The following CIP2A variants were observed in gnomAD, a reference collection of about 807,000 sequenced individuals.
CIP2A encodes cellular inhibitor of PP2A.
A neutral mutation model predicts 110.9 loss-of-function variants in CIP2A; 103 were observed. The ratio of observed to expected loss-of-function variants is 0.93; its 90% confidence interval spans 0.79 to 1.09. CIP2A has a LOEUF of 1.09. Ranked by LOEUF, CIP2A falls within the 50% of genes least tolerant of loss-of-function variation. The pLI is 0.00. For synonymous variants in CIP2A, 381 were observed against 361.6 expected (o/e 1.05, Z -0.61); for missense variants, 1,088 against 1,038.4 (o/e 1.05, Z -0.66).
chr3:108,585,302 T>C, intron 1 of CIP2A, 90 bp from the exon 2 acceptor site: 1 of 1,188,284 alleles, frequency 8.4e-7, no homozygotes, highest in Non-Finnish European at 1.2e-6. Flanking sequence ...TCCCTCAAAG[T>C]GCCACTGCTA....
At chr3:108,582,049 G>T in intron 4 of CIP2A, 59 bp downstream of exon 4, 1 of 784,104 alleles carries the variant, frequency 1.3e-6, no homozygotes, top group Non-Finnish European at 2.1e-6. Context: ...CTACCACATG[G>T]TTGTAATTTA....
At position 108,581,373 on chromosome 3, in the gene CIP2A, T is replaced by A; in HGVS notation, c.549+42A>T. The A allele has an allele frequency of 2.2e-6, 3 of 1,338,298 alleles. No individual in the cohort carries two copies. In the East Asian group the frequency reaches 6.9e-5, roughly 31 times the overall value. 82.9% of individuals were successfully genotyped at this position (1,338,298 alleles called of 1,614,324 possible). A position where few individuals can be genotyped will look rare whatever the true frequency, so the allele number is the denominator to read the frequency against. On this transcript the variant is annotated intron_variant, in intron 5 of 20. Transcript: ENST00000295746. ...TACAATTTTCTTTAAGCAGAGAATC[T>A]ACCATAAAACAAGAAACATTAAAAA...
intron 2 of CIP2A, among the ~76,000 whole-genome samples, chr3:108,583,881 T>G (rs1938964907): frequency 6.6e-6 from 1 of 152,180 alleles, no homozygotes; most frequent in Non-Finnish European, 1.5e-5. Context: ...CCCCATAAGT[T>G]TGTATAAATA....
At chr3:108,554,277 C>A (rs1037169752) in intron 18 of CIP2A, 99 bp downstream of exon 18, 12 of 549,206 alleles carry the variant, frequency 2.2e-5, no homozygotes, top group Non-Finnish European at 2.6e-5. Flanking sequence ...AGTGACAATT[C>A]TATTAATTTT....
intron 8 of CIP2A, among the ~76,000 whole-genome samples, chr3:108,570,368 C>T (rs1938347068): frequency 6.6e-6 from 1 of 152,106 alleles, no homozygotes; most frequent in Admixed American, 6.6e-5. Context: ...TTAGCATTTA[C>T]TATAACAAAT....
chr3:108,551,795 T>C (rs763214271), intron 20 of CIP2A, among the ~76,000 whole-genome samples: 11 of 152,068 alleles, frequency 7.2e-5, no homozygotes, highest in Non-Finnish European at 1.2e-4. Context: ...CATGGTAATA[T>C]AGAAAGAACC....
intron 13 of CIP2A, among the ~76,000 whole-genome samples, chr3:108,561,990 A>T (rs1938021644): frequency 6.6e-6 from 1 of 152,148 alleles, no homozygotes; most frequent in African/African-American, 2.4e-5. Flanking sequence ...TTATGCAAGC[A>T]GGCCATCACA....
intron 19 of CIP2A, 151 bp from the exon 20 acceptor site, chr3:108,552,524 A>G: frequency 4.5e-6 from 2 of 444,226 alleles, no homozygotes; most frequent in Non-Finnish European, 7.8e-6. Context: ...AAAATACCAA[A>G]TCTCCATGTC....
In CIP2A at chr3:108,570,080, T is replaced by A. The variant is rs1180994150; in HGVS notation, c.895-473A>T. ...CACTGTTTGCATACGGTTGGCATTA[T>A]GACCCTTAGCTCTCCTACTGTACCC... On this transcript the variant is annotated intron_variant, in intron 8 of 20. Transcript: ENST00000295746. Among the ~76,000 whole-genome samples the A allele has an allele frequency of 2.0e-5, 3 of 152,094 alleles. No homozygotes were observed. The East Asian group carries it at 5.8e-4, about 29-fold the overall frequency.
At chr3:108,575,630 G>T (rs199917465) in intron 8 of CIP2A, among the ~76,000 whole-genome samples, 1 of 45,872 alleles carries the variant, frequency 2.2e-5, no homozygotes, top group African/African-American at 9.5e-5. Flanking sequence ...GTATATATAC[G>T]TGTATATATA....
At chr3:108,569,302 G>A (rs1271419950) in intron 9 of CIP2A, 87 bp downstream of exon 9, 11 of 978,650 alleles carry the variant, frequency 1.1e-5, no homozygotes, top group Middle Eastern at 2.4e-4. Context: ...TGTATGAACT[G>A]TAAGTTTACA....
chr3:108,565,155 A>C (rs1938140305), intron 12 of CIP2A, among the ~76,000 whole-genome samples, 200 bp downstream of exon 12: 1 of 151,920 alleles, frequency 6.6e-6, no homozygotes, highest in African/African-American at 2.4e-5. Flanking sequence ...ATGAGCACTT[A>C]TGTTCAATTC....
intron 2 of CIP2A, among the ~76,000 whole-genome samples, chr3:108,584,297 A>C (rs1048794761): frequency 2.0e-5 from 3 of 152,228 alleles, no homozygotes; most frequent in Admixed American, 6.5e-5. Flanking sequence ...GTGCTCCACA[A>C]CACCATTTGT....
At chr3:108,555,242 T>C (rs941052738) in intron 17 of CIP2A, among the ~76,000 whole-genome samples, 1 of 152,178 alleles carries the variant, frequency 6.6e-6, no homozygotes, top group Non-Finnish European at 1.5e-5. Flanking sequence ...GCTGCCTATC[T>C]CTTAGGTTCT....
chr3:108,561,326 CA>C (rs1937998971), intron 13 of CIP2A, among the ~76,000 whole-genome samples: 1 of 152,064 alleles, frequency 6.6e-6, no homozygotes, highest in African/African-American at 2.4e-5. Flanking sequence ...TACCACAAAA[CA>C]AAATATTTTT....
At chr3:108,553,890 A>C (rs1937680953) in intron 18 of CIP2A, among the ~76,000 whole-genome samples, 160 bp from the exon 19 acceptor site, 1 of 109,288 alleles carries the variant, frequency 9.2e-6, no homozygotes. Flanking sequence ...GTCTCTACTA[A>C]AAATATAAAA....
chr3:108,569,177 T>TAC (rs1938290558), intron 9 of CIP2A, among the ~76,000 whole-genome samples: 2 of 69,038 alleles, frequency 2.9e-5, no homozygotes, highest in Non-Finnish European at 6.1e-5. Flanking sequence ...ACTATATATA[T>TAC]ATATACATAC....
chr3:108,576,171 A>T, intron 8 of CIP2A, 100 bp downstream of exon 8: 1 of 654,104 alleles, frequency 1.5e-6, no homozygotes, highest in South Asian at 2.2e-5. Context: ...AAAATACAGA[A>T]ATCTGTGCAT....
In CIP2A at chr3:108,569,436, C is replaced by G; in HGVS notation, c.1066G>C (p.Glu356Gln). The G allele has an allele frequency of 6.2e-7, 1 of 1,612,624 alleles. No individual in the cohort carries two copies. The highest frequency in any genetic ancestry group is 8.5e-7 in the Non-Finnish European group (1 of 1,179,210). The change falls in exon 9 of 21, where the codon GAA becomes CAA. Residue 356 changes from glutamate to glutamine, a missense_variant. Transcript: ENST00000295746. The part of the protein sequence containing the change: ...RWLSQPLDGS[E>Q]NCSVLALELF... Reference sequence around the variant, plus strand: ...TCCAATGCTAAAACAGAACAGTTTTCTGATCCGTCCAAAGGTTGGCTTAAC... The same window carrying G: ...TCCAATGCTAAAACAGAACAGTTTTGTGATCCGTCCAAAGGTTGGCTTAAC...
Sources: allele counts gnomAD v4.1 joint callset (sites outside exome capture counted in the v4.1 genomes callset), GRCh38; gene constraint gnomAD v4.1.1; transcripts MANE v1.5; gene names NCBI Gene and HGNC (gene_info 2026-07-23, HGNC 2026-07-21).